The following ZIM3 variants were observed in gnomAD, a reference collection of about 807,000 sequenced individuals.
The protein encoded by ZIM3 is zinc finger protein 657.
ZIM3 carries 11 observed loss-of-function variants against 12.9 expected under a neutral mutation model. That is an observed-to-expected ratio of 0.85 (90% CI 0.54 to 1.41). The LOEUF is 1.41. Ranked by LOEUF, ZIM3 falls within the 40% of genes most tolerant of loss-of-function variation. The pLI is 0.00. For synonymous variants in ZIM3, 205 were observed against 198.5 expected, an observed-to-expected ratio of 1.03 and a Z score of -0.28; for missense variants, 604 against 557.2, an observed-to-expected ratio of 1.08 and a Z score of -0.85.
Position 57,135,347 on chromosome 19 carries a change from C to G in ZIM3, c.990G>C (p.Thr330=). 1 of 1,613,914 alleles carries G rather than the reference C, an allele frequency of 6.2e-7. No individual in the cohort carries two copies. Among genetic ancestry groups the G allele is most frequent in the Admixed American group, 1.7e-5 (1 of 59,982 alleles). The change falls in exon 5 of 5, where the codon ACG becomes ACC. Residue 330 remains threonine, a synonymous_variant. Coordinates refer to ENST00000269834, the MANE Select transcript of ZIM3 (RefSeq NM_052882.1). ...TGCTACATTTATAGGGTTTCTCTCC[C>G]GTGTGTATTCTCTGGTGTTTCACAA... The part of the protein sequence containing the change: ...SDLVKHQRIH[T]GEKPYKCSIC...
Position 57,134,896 on chromosome 19 carries a change from T to A in ZIM3, c.*22A>T. 3.2e-6 allele frequency: 5 copies of A among 1,568,178 alleles called. No individual in the cohort carries two copies. The East Asian group carries it at 1.1e-4, about 35-fold the overall frequency. ...TTCCAGGCAACCATATCTTCCCATG[T>A]TTTTTTAAGTGCATGGGGCTCCTAT... On this transcript the variant is annotated 3_prime_UTR_variant, in exon 5 of 5. Transcript: ENST00000269834.
At chr19:57,138,655 A>T in intron 2 of ZIM3, 57 bp from the exon 3 acceptor site, 1 of 1,590,492 alleles carries the variant, frequency 6.3e-7, no homozygotes, top group Non-Finnish European at 8.6e-7. Context: ...GCGGCTGAGG[A>T]TACAGAAACT....
chr19:57,140,787 T>C (rs1240115490), intron 2 of ZIM3, among the ~76,000 whole-genome samples: 1 of 152,198 alleles, frequency 6.6e-6, no homozygotes, highest in Non-Finnish European at 1.5e-5. Context: ...ATGCCTTTCC[T>C]GTCAACAGGA....
intron 1 of ZIM3, among the ~76,000 whole-genome samples, chr19:57,143,805 A>T (rs1341288105): frequency 6.6e-6 from 1 of 150,746 alleles, no homozygotes; most frequent in Non-Finnish European, 1.5e-5. Flanking sequence ...CCTCCCGTGT[A>T]GCTGGGATTA....
At chr19:57,144,512 A>C (rs1336818982) in intron 1 of ZIM3, among the ~76,000 whole-genome samples, 3 of 152,194 alleles carry the variant, frequency 2.0e-5, no homozygotes, top group Non-Finnish European at 2.9e-5. Flanking sequence ...AAAATAGATT[A>C]ATTAGCTTGA....
At chr19:57,141,387 G>C (rs1213215539) in intron 2 of ZIM3, among the ~76,000 whole-genome samples, 33 of 130,824 alleles carry the variant, frequency 2.5e-4, no homozygotes, top group African/African-American at 9.4e-4. Context: ...GGTGGCAGAG[G>C]GAGACTGTCT....
At chr19:57,138,204 C>G (rs1320490052) in intron 3 of ZIM3, among the ~76,000 whole-genome samples, 2 of 152,048 alleles carry the variant, frequency 1.3e-5, no homozygotes. Context: ...AAAATCAAGA[C>G]CAGGAGTAGG....
chr19:57,136,659 CCAGAAAAAAAAAAAA>C lies in ZIM3; in HGVS notation c.241+199_241+213del, dbSNP rs993022421. Among the ~76,000 whole-genome samples the C allele has an allele frequency of 1.2e-3, 102 of 81,902 alleles. 1 individual carries two copies. Among genetic ancestry groups the C allele is most frequent in the African/African-American group, 5.5e-3 (101 of 18,532 alleles). The allele number at this position is 81,902 out of a possible 152,430, so 53.7% of individuals were successfully genotyped here. A position where few individuals can be genotyped will look rare whatever the true frequency, so the allele number is the denominator to read the frequency against. On this transcript the variant is annotated intron_variant, in intron 4 of 4. Coordinates refer to ENST00000269834, the MANE Select transcript of ZIM3 (RefSeq NM_052882.1). The stretch of plus-strand genomic sequence containing the variant: ...AGCCTGGGCGACAGAGACTCCGTTT[CCAGAAAAAAAAAAAA>C]AAGAAAAAAAAAAGAGTTTGCCTGC...
intron 4 of ZIM3, among the ~76,000 whole-genome samples, chr19:57,136,662 GA>G (rs373039440): frequency 6.2e-4 from 27 of 43,742 alleles, no homozygotes; most frequent in Non-Finnish European, 6.7e-4. Context: ...TCCGTTTCCA[GA>G]AAAAAAAAAA....
Position 57,138,529 on chromosome 19 carries a change from G to C in ZIM3, c.85C>G (p.Gln29Glu). The C allele has an allele frequency of 6.2e-7, 1 of 1,614,098 alleles. No individual in the cohort carries two copies. Among genetic ancestry groups the C allele is most frequent in the Non-Finnish European group, 8.5e-7 (1 of 1,179,990 alleles). Residue 29 changes from glutamine (Q) to glutamate (E), a missense_variant, in exon 3 of 5, where the codon CAG becomes GAG. Coordinates refer to ENST00000269834, the MANE Select transcript of ZIM3 (RefSeq NM_052882.1). Reference protein sequence around the residue: ...QGEWQRLNPEQRNLYRDVMLE... With the variant: ...QGEWQRLNPEERNLYRDVMLE... ...ATCACATCCCTGTACAAGTTTCTCT[G>C]TTCGGGATTCAGCCGCTGCCACTCC...
chr19:57,134,996 A>G lies in ZIM3; in HGVS notation c.1341T>C (p.Tyr447=), dbSNP rs758256724. The G allele has an allele frequency of 1.9e-5, 30 of 1,614,050 alleles. No individual in the cohort carries two copies. Among genetic ancestry groups the G allele is most frequent in the Non-Finnish European group, 8.5e-7 (1 of 1,180,036 alleles). Residue 447 remains tyrosine, a synonymous_variant, in exon 5 of 5, where the codon TAT becomes TAC. Transcript: ENST00000269834. ...AGGCTTTACCGCATTCAGAACATCC[A>G]TAAGGTTTTTGTCCAGTATGGGTTT... ...HKKTHTGQKP[Y]GCSECGKAFA...
chr19:57,142,004 G>C (rs1213908724), intron 2 of ZIM3, among the ~76,000 whole-genome samples: 1 of 152,036 alleles, frequency 6.6e-6, no homozygotes, highest in Non-Finnish European at 1.5e-5. Context: ...AGATGGATTT[G>C]AGGCTGAGCT....
chr19:57,143,452 G>A (rs2086923992), intron 1 of ZIM3, among the ~76,000 whole-genome samples: 1 of 152,080 alleles, frequency 6.6e-6, no homozygotes, highest in Admixed American at 6.6e-5. Flanking sequence ...AAGGAAGGCC[G>A]AGAGCAGAAA....
chr19:57,138,408 A>T, intron 3 of ZIM3, 64 bp downstream of exon 3: 1 of 1,612,124 alleles, frequency 6.2e-7, no homozygotes, highest in Admixed American at 1.7e-5. Flanking sequence ...TTGGCCAGCC[A>T]TGGGGTGTCT....
At position 57,137,801 on chromosome 19, in the gene ZIM3, A is replaced by G. The variant is rs538706022; in HGVS notation, c.142+671T>C. On this transcript the variant is annotated intron_variant, in intron 3 of 4. Transcript: ENST00000269834. Reference sequence around the variant, plus strand: ...CAGACCCTGTTAGGAGAAAGGAGATAAAGAAAGAGAGAGGAATGGAGAGAG... The same window carrying G: ...CAGACCCTGTTAGGAGAAAGGAGATGAAGAAAGAGAGAGGAATGGAGAGAG... 7.0e-4 allele frequency among the ~76,000 whole-genome samples: 106 copies of G among 150,606 alleles called. 1 individual carries two copies. The highest frequency in any genetic ancestry group is 2.4e-3 in the African/African-American group (98 of 40,810).
At position 57,135,182 on chromosome 19, in the gene ZIM3, A is replaced by T. The variant is rs759717396; in HGVS notation, c.1155T>A (p.His385Gln). 3.1e-6 allele frequency: 5 copies of T among 1,613,884 alleles called. No homozygotes were observed. The highest frequency in any genetic ancestry group is 4.2e-6 in the Non-Finnish European group (5 of 1,179,918). The change falls in exon 5 of 5, where the codon CAT (histidine) becomes CAA (glutamine). Residue 385 changes from histidine (H) to glutamine (Q), a missense_variant. By Grantham distance (24) the His-to-Gln change is conservative. Transcript: ENST00000269834. ...KKNLIQHKKI[H>Q]TGEKPYECNR... ...TACATTCATAGGGCTTTTCCCCAGT[A>T]TGGATTTTTTTATGTTGAATGAGGT...
intron 1 of ZIM3, among the ~76,000 whole-genome samples, chr19:57,143,628 G>A (rs969552039): frequency 6.6e-6 from 1 of 151,414 alleles, no homozygotes; most frequent in African/African-American, 2.4e-5. Flanking sequence ...TATAATCCCA[G>A]CACTTTGGAA....
At position 57,135,493 on chromosome 19, in the gene ZIM3, T is replaced by G. The variant is rs1246963797; in HGVS notation, c.844A>C (p.Asn282His). Residue 282 changes from asparagine to histidine, a missense_variant, in exon 5 of 5, where the codon AAT becomes CAT. Asn to His is a moderately conservative substitution (Grantham distance 68). Coordinates refer to ENST00000269834, the MANE Select transcript of ZIM3 (RefSeq NM_052882.1). The stretch of plus-strand genomic sequence containing the variant: ...TGCCTGAAGGATTTCTCACATTCAT[T>G]ACACTGATAGGATTTCTTGGCATTA... ...IHNAKKSYQCNECEKSFRQNS... is the reference protein window; with the variant it reads ...IHNAKKSYQCHECEKSFRQNS... 1 of 1,614,146 alleles carries G rather than the reference T, an allele frequency of 6.2e-7. No individual in the cohort carries two copies. The highest frequency in any genetic ancestry group is 1.7e-5 in the Admixed American group (1 of 60,016).
chr19:57,142,886 G>C (rs1016830931), intron 1 of ZIM3, among the ~76,000 whole-genome samples: 3 of 151,632 alleles, frequency 2.0e-5, no homozygotes, highest in Non-Finnish European at 4.4e-5. Context: ...TATTTATTGA[G>C]ACTGGGTCTC....
Sources: allele counts gnomAD v4.1 joint callset (sites outside exome capture counted in the v4.1 genomes callset), GRCh38; gene constraint gnomAD v4.1.1; transcripts MANE v1.5; gene names NCBI Gene and HGNC (gene_info 2026-07-23, HGNC 2026-07-21).